DLGAP2: variants seen among roughly 807,000 people sequenced by gnomAD.
DLGAP2 encodes disks large-associated protein 2.
In DLGAP2, 26 loss-of-function variants were observed where a neutral mutation model predicts 100.3. The ratio of observed to expected loss-of-function variants is 0.26; its 90% CI spans 0.19 to 0.36. The LOEUF (loss-of-function observed/expected upper bound fraction) is 0.36, where lower values mean the gene tolerates loss of function less well. Ranked by LOEUF, DLGAP2 falls within the 10% of genes least tolerant of loss-of-function variation. DLGAP2 has a pLI of 1.00. For missense variants in DLGAP2, 1,858 were observed against 1,453.2 expected, an observed-to-expected ratio of 1.28 and a Z score of -4.53; for synonymous variants, 886 against 630.1, an observed-to-expected ratio of 1.41 and a Z score of -6.08.
intron 2 of DLGAP2, among the ~76,000 whole-genome samples, chr8:1,168,955 C>T (rs1797072259): frequency 1.4e-5 from 2 of 142,808 alleles, no homozygotes; most frequent in African/African-American, 2.6e-5. Flanking sequence ...AAGTCCTTGC[C>T]CATGCCTATG....
chr8:811,685 A>G (rs1055682881), intron 1 of DLGAP2, among the ~76,000 whole-genome samples: 39 of 144,406 alleles, frequency 2.7e-4, no homozygotes, highest in African/African-American at 1.0e-3. Flanking sequence ...TGCCGTGGTG[A>G]GAGGCCACCA....
chr8:1,502,975 A>G (rs1287818972), intron 4 of DLGAP2, among the ~76,000 whole-genome samples: 2 of 152,070 alleles, frequency 1.3e-5, no homozygotes, highest in African/African-American at 2.4e-5. Context: ...AGAGTGCAGG[A>G]GTCACTCTGG....
chr8:881,739 G>C (rs1298728564), intron 1 of DLGAP2, among the ~76,000 whole-genome samples: 7 of 144,660 alleles, frequency 4.8e-5, no homozygotes, highest in African/African-American at 7.7e-5. Context: ...GGCTGGTCTC[G>C]AACTCCTGAC....
intron 6 of DLGAP2, among the ~76,000 whole-genome samples, chr8:1,583,836 C>G (rs1030506474): frequency 6.6e-6 from 1 of 152,094 alleles, no homozygotes; most frequent in Non-Finnish European, 1.5e-5. Flanking sequence ...GATCCCAGTG[C>G]AGATCCTTCG....
intron 2 of DLGAP2, among the ~76,000 whole-genome samples, chr8:968,093 T>C (rs1166321482): frequency 2.6e-5 from 4 of 151,668 alleles, no homozygotes; most frequent in Non-Finnish European, 4.4e-5. Flanking sequence ...TTCTTTCCTT[T>C]TGTGTTCCCT....
At chr8:830,655 G>T (rs1270983522) in intron 1 of DLGAP2, among the ~76,000 whole-genome samples, 1 of 152,042 alleles carries the variant, frequency 6.6e-6, no homozygotes, top group Non-Finnish European at 1.5e-5. Context: ...TCTTTTTGGT[G>T]CATGCATTGC....
chr8:792,555 C>T (rs980616802), intron 1 of DLGAP2, among the ~76,000 whole-genome samples: 2 of 152,150 alleles, frequency 1.3e-5, no homozygotes, highest in Non-Finnish European at 2.9e-5. Flanking sequence ...GAAGTTTCCC[C>T]TTAATCGTAT....
At chr8:769,235 A>G (rs1302870918) in intron 1 of DLGAP2, among the ~76,000 whole-genome samples, 1 of 152,146 alleles carries the variant, frequency 6.6e-6, no homozygotes, top group Non-Finnish European at 1.5e-5. Context: ...AGACTAAGAC[A>G]TGAAGGCACA....
intron 2 of DLGAP2, among the ~76,000 whole-genome samples, chr8:1,165,769 T>G (rs1797003145): frequency 6.6e-6 from 1 of 152,236 alleles, no homozygotes; most frequent in African/African-American, 2.4e-5. Flanking sequence ...CTCTAAAATT[T>G]TACAGTTTGT....
chr8:928,739 T>C (rs1798874766), intron 2 of DLGAP2, among the ~76,000 whole-genome samples: 1 of 152,056 alleles, frequency 6.6e-6, no homozygotes, highest in African/African-American at 2.4e-5. Context: ...TGGGAATCGC[T>C]GCCCTCGATG....
chr8:1,679,031 A>T (rs1223462566), intron 12 of DLGAP2: 3 of 169,452 alleles, frequency 1.8e-5, no homozygotes, highest in Non-Finnish European at 3.7e-5. Flanking sequence ...CATTATGCCA[A>T]AGAGAAGTCG....
chr8:1,567,246 A>C (rs1268736054), intron 6 of DLGAP2, among the ~76,000 whole-genome samples: 1 of 152,180 alleles, frequency 6.6e-6, no homozygotes, highest in Non-Finnish European at 1.5e-5. Flanking sequence ...GCTCTCACCC[A>C]CCTTTTATTT....
chr8:1,071,214 A>G (rs939042153), intron 2 of DLGAP2, among the ~76,000 whole-genome samples: 5 of 152,216 alleles, frequency 3.3e-5, no homozygotes, highest in Non-Finnish European at 7.3e-5. Context: ...TTGTGTGATG[A>G]TAAAAACTGT....
chr8:1,540,591 C>T (rs376912003), intron 4 of DLGAP2, among the ~76,000 whole-genome samples: 19 of 152,336 alleles, frequency 1.2e-4, no homozygotes, highest in African/African-American at 3.4e-4. Flanking sequence ...CCGGGCTGGG[C>T]GCTGGAGTCG....
At chr8:1,198,036 C>A (rs867844119) in intron 2 of DLGAP2, among the ~76,000 whole-genome samples, 1 of 152,106 alleles carries the variant, frequency 6.6e-6, no homozygotes, top group African/African-American at 2.4e-5. Context: ...TGGAAATGAG[C>A]CATGGCCGTG....
At chr8:1,124,052 C>T (rs1186079610) in intron 2 of DLGAP2, among the ~76,000 whole-genome samples, 2 of 152,134 alleles carry the variant, frequency 1.3e-5, no homozygotes, top group East Asian at 1.9e-4. Context: ...TCCCTGTATG[C>T]AGACCAAACA....
intron 13 of DLGAP2, among the ~76,000 whole-genome samples, chr8:1,693,837 C>T (rs913768207): frequency 6.6e-6 from 1 of 152,214 alleles, no homozygotes; most frequent in African/African-American, 2.4e-5. Flanking sequence ...AAGCCTGTAA[C>T]TGTGTAAACA....
intron 3 of DLGAP2, among the ~76,000 whole-genome samples, chr8:1,421,473 T>C (rs1199176407): frequency 6.6e-6 from 1 of 152,142 alleles, no homozygotes; most frequent in Admixed American, 6.5e-5. Context: ...TGAAAATGCA[T>C]AGAATCACTT....
intron 3 of DLGAP2, among the ~76,000 whole-genome samples, chr8:1,392,342 G>A (rs1374387819): frequency 1.3e-4 from 20 of 152,090 alleles, no homozygotes; most frequent in Non-Finnish European, 2.9e-5. Flanking sequence ...AGGGTTACCC[G>A]TTACCTGCAC....
Sources: gnomAD v4.1 joint callset for allele counts (sites outside exome capture counted in the v4.1 genomes callset) on GRCh38, gnomAD v4.1.1 for gene constraint, MANE v1.5 for transcripts, NCBI Gene and HGNC (gene_info 2026-07-23, HGNC 2026-07-21) for gene names.